AUTS2: variants seen among roughly 807,000 people sequenced by gnomAD.
AUTS2 encodes autism susceptibility gene 2 protein.
In AUTS2, 17 loss-of-function variants were observed where a neutral mutation model predicts 112.4. The ratio of observed to expected loss-of-function variants is 0.15; its 90% confidence interval spans 0.10 to 0.23. The LOEUF (loss-of-function observed/expected upper bound fraction) is 0.23, where lower values mean the gene tolerates loss of function less well. Ranked by LOEUF, AUTS2 falls within the 10% of genes least tolerant of loss-of-function variation. AUTS2 has a pLI of 1.00. For missense variants in AUTS2, 1,510 were observed against 1,701.6 expected, an observed-to-expected ratio of 0.89 and a Z score of 1.98; for synonymous variants, 751 against 702.7, an observed-to-expected ratio of 1.07 and a Z score of -1.09.
intron 2 of AUTS2, among the ~76,000 whole-genome samples, chr7:69,923,315 ACT>A (rs1322593237): frequency 6.6e-6 from 1 of 151,742 alleles, no homozygotes; most frequent in Non-Finnish European, 1.5e-5. Context: ...TTATTTCTAT[ACT>A]CTCTATTCTG....
chr7:69,845,368 G>T (rs1381264120), intron 1 of AUTS2, among the ~76,000 whole-genome samples: 1 of 152,150 alleles, frequency 6.6e-6, no homozygotes, highest in Non-Finnish European at 1.5e-5. Flanking sequence ...GAATCAAGAA[G>T]ACCTTGATTG....
chr7:70,138,359 A>G (rs1319298127), intron 4 of AUTS2, among the ~76,000 whole-genome samples: 5 of 152,206 alleles, frequency 3.3e-5, no homozygotes, highest in African/African-American at 4.8e-5. Context: ...ATCTGGACTC[A>G]TTCTTTATAG....
At chr7:69,933,152 A>G (rs2129544121) in intron 2 of AUTS2, among the ~76,000 whole-genome samples, 1 of 152,282 alleles carries the variant, frequency 6.6e-6, no homozygotes, top group South Asian at 2.1e-4. Context: ...CAGATCTTAA[A>G]CTTTAATGCT....
chr7:70,396,888 A>AC (rs1794109302), intron 4 of AUTS2, among the ~76,000 whole-genome samples: 1 of 152,186 alleles, frequency 6.6e-6, no homozygotes, highest in East Asian at 1.9e-4. Context: ...TTAAGGAAGT[A>AC]TCTAGGAGTA....
At chr7:69,619,662 T>C (rs550414283) in intron 1 of AUTS2, among the ~76,000 whole-genome samples, 11 of 152,228 alleles carry the variant, frequency 7.2e-5, no homozygotes, top group African/African-American at 2.4e-4. Flanking sequence ...CTTGGCTCCA[T>C]GCAGCACCTC....
intron 2 of AUTS2, among the ~76,000 whole-genome samples, chr7:70,116,991 C>G (rs2129572363): frequency 6.6e-6 from 1 of 151,756 alleles, no homozygotes; most frequent in Non-Finnish European, 1.5e-5. Flanking sequence ...ATGACTTAGT[C>G]TTATGTAGAC....
chr7:69,986,892 T>C (rs1798534021), intron 2 of AUTS2, among the ~76,000 whole-genome samples: 1 of 152,204 alleles, frequency 6.6e-6, no homozygotes, highest in Non-Finnish European at 1.5e-5. Flanking sequence ...TTGCCCAATC[T>C]TTCATAAAAA....
chr7:70,618,795 A>G (rs1176213941), intron 5 of AUTS2, among the ~76,000 whole-genome samples: 7 of 152,174 alleles, frequency 4.6e-5, no homozygotes, highest in East Asian at 1.9e-4. Flanking sequence ...GAGAAACACA[A>G]AAGAAGAACA....
intron 1 of AUTS2, among the ~76,000 whole-genome samples, chr7:69,702,244 A>G (rs962592850): frequency 6.6e-6 from 1 of 152,048 alleles, no homozygotes; most frequent in East Asian, 1.9e-4. Context: ...TAGAGGGAAA[A>G]CCTTTATTCA....
intron 5 of AUTS2, among the ~76,000 whole-genome samples, chr7:70,480,021 G>A (rs1359893568): frequency 6.6e-6 from 1 of 152,220 alleles, no homozygotes; most frequent in African/African-American, 2.4e-5. Flanking sequence ...GATGCCTGAG[G>A]CAGAGTATGG....
chr7:70,328,409 A>G (rs753795209), intron 4 of AUTS2, among the ~76,000 whole-genome samples: 3 of 151,942 alleles, frequency 2.0e-5, no homozygotes, highest in Non-Finnish European at 4.4e-5. Context: ...TTTAATAGAG[A>G]CAAGGTCTTG....
intron 2 of AUTS2, among the ~76,000 whole-genome samples, chr7:69,966,755 T>A (rs1472773926): frequency 6.6e-6 from 1 of 152,164 alleles, no homozygotes; most frequent in Non-Finnish European, 1.5e-5. Context: ...TTTCACCCCT[T>A]TCTCTCTGTT....
intron 1 of AUTS2, among the ~76,000 whole-genome samples, chr7:69,717,775 C>T (rs1798695917): frequency 3.3e-5 from 5 of 152,064 alleles, no homozygotes; most frequent in Admixed American, 3.3e-4. Flanking sequence ...CTCTGTTTCT[C>T]TCATGCATCC....
chr7:69,888,081 C>A (rs780661393), intron 1 of AUTS2, among the ~76,000 whole-genome samples: 1 of 151,902 alleles, frequency 6.6e-6, no homozygotes, highest in African/African-American at 2.4e-5. Context: ...GAGGCCAAGG[C>A]GGGAGGATCG....
chr7:70,366,575 A>G (rs1792579345), intron 4 of AUTS2, among the ~76,000 whole-genome samples: 1 of 152,230 alleles, frequency 6.6e-6, no homozygotes, highest in African/African-American at 2.4e-5. Context: ...TTTTAAGCAG[A>G]AGACTAAAAA....
chr7:69,609,098 A>G (rs1172115725), intron 1 of AUTS2, among the ~76,000 whole-genome samples: 1 of 152,194 alleles, frequency 6.6e-6, no homozygotes, highest in African/African-American at 2.4e-5. Flanking sequence ...TGCAAATGAA[A>G]ACAACAGCCC....
At chr7:69,758,046 A>T (rs181798430) in intron 1 of AUTS2, among the ~76,000 whole-genome samples, 3 of 152,334 alleles carry the variant, frequency 2.0e-5, no homozygotes, top group Admixed American at 2.0e-4. Context: ...GCGATCTTTG[A>T]TCTGGTTCTT....
At chr7:69,826,819 A>G (rs1160299620) in intron 1 of AUTS2, among the ~76,000 whole-genome samples, 1 of 152,156 alleles carries the variant, frequency 6.6e-6, no homozygotes, top group East Asian at 1.9e-4. Flanking sequence ...TTGGAAGACT[A>G]CATTTTTCTG....
At chr7:69,808,419 A>T (rs1307197974) in intron 1 of AUTS2, among the ~76,000 whole-genome samples, 1 of 152,212 alleles carries the variant, frequency 6.6e-6, no homozygotes, top group African/African-American at 2.4e-5. Flanking sequence ...GAATGCTATC[A>T]TGGCACTATA....
Sources: allele counts gnomAD v4.1 joint callset (sites outside exome capture counted in the v4.1 genomes callset), GRCh38; gene constraint gnomAD v4.1.1; transcripts MANE v1.5; gene names NCBI Gene and HGNC (gene_info 2026-07-23, HGNC 2026-07-21).